RTN4RL1: variants seen among roughly 807,000 people sequenced by gnomAD.
RTN4RL1 encodes reticulon-4 receptor-like 1.
RTN4RL1 carries 7 observed loss-of-function variants against 25.6 expected under a neutral mutation model. That is an observed-to-expected ratio of 0.27 (90% CI 0.16 to 0.51). The LOEUF (loss-of-function observed/expected upper bound fraction) is 0.51, where lower values mean the gene tolerates loss of function less well. RTN4RL1 is among the 20% of genes least tolerant of loss of function. RTN4RL1 has a pLI of 0.97. For synonymous variants in RTN4RL1, 297 were observed against 288.2 expected, an observed-to-expected ratio of 1.03 and a Z score of -0.31; for missense variants, 500 against 615.6, an observed-to-expected ratio of 0.81 and a Z score of 1.99.
intron 1 of RTN4RL1, among the ~76,000 whole-genome samples, chr17:2,008,963 T>G (rs2067022778): frequency 6.6e-6 from 1 of 152,142 alleles, no homozygotes; most frequent in Non-Finnish European, 1.5e-5. Context: ...AGACTGAGCC[T>G]CAGCCCAGGG....
At chr17:1,950,580 C>T (rs968783249) in intron 1 of RTN4RL1, among the ~76,000 whole-genome samples, 2 of 152,120 alleles carry the variant, frequency 1.3e-5, no homozygotes, top group African/African-American at 4.8e-5. Flanking sequence ...GGGGCAGCAG[C>T]TCACGCCTGG....
At chr17:2,022,463 T>C (rs959835545) in intron 1 of RTN4RL1, among the ~76,000 whole-genome samples, 1 of 152,154 alleles carries the variant, frequency 6.6e-6, no homozygotes, top group Non-Finnish European at 1.5e-5. Context: ...CCTGTATCAT[T>C]TTCGCTTGGA....
intron 1 of RTN4RL1, among the ~76,000 whole-genome samples, chr17:1,986,683 C>T (rs1457465933): frequency 6.6e-6 from 1 of 151,882 alleles, no homozygotes; most frequent in Non-Finnish European, 1.5e-5. Context: ...AGATTTCTGG[C>T]CTCCAGAACT....
At chr17:2,014,015 A>T (rs903157472) in intron 1 of RTN4RL1, among the ~76,000 whole-genome samples, 1 of 152,000 alleles carries the variant, frequency 6.6e-6, no homozygotes, top group Non-Finnish European at 1.5e-5. Flanking sequence ...TCAACCTCTC[A>T]CTCAGTTCCT....
intron 1 of RTN4RL1, among the ~76,000 whole-genome samples, chr17:2,002,224 C>T (rs2066962650): frequency 6.6e-6 from 1 of 151,558 alleles, no homozygotes; most frequent in African/African-American, 2.4e-5. Flanking sequence ...CTTTCTTTCC[C>T]TTTCTTCCTT....
At chr17:2,023,325 G>C (rs2067233439) in intron 1 of RTN4RL1, among the ~76,000 whole-genome samples, 1 of 152,188 alleles carries the variant, frequency 6.6e-6, no homozygotes, top group South Asian at 2.1e-4. Context: ...AGGACTTTTT[G>C]TCCCTTTCTG....
rs1423575199 is a variant in RTN4RL1 at position 2,024,976 on chromosome 17, G to A, written c.-111C>T. ...GCTAATCCGAGCGCGTCGAGGCGGGGGCAAGCCGGGGATCCGCTCGTGCCC... is the reference window on the plus strand; with the variant it reads ...GCTAATCCGAGCGCGTCGAGGCGGGAGCAAGCCGGGGATCCGCTCGTGCCC... On this transcript the variant is annotated 5_prime_UTR_variant, in exon 1 of 2. Transcript: ENST00000331238. 5.1e-5 allele frequency: 61 copies of A among 1,199,728 alleles called. No individual in the cohort carries two copies. The highest frequency in any genetic ancestry group is 6.7e-5 in the Non-Finnish European group (57 of 854,120). The allele number at this position is 1,199,728 out of a possible 1,614,324, so 74.3% of individuals were successfully genotyped here.
rs1915788153 is a variant in RTN4RL1, at chr17:1,956,149, G to T, written c.14-18341C>A. Among the ~76,000 whole-genome samples the T allele has an allele frequency of 3.3e-5, 5 of 152,038 alleles. No homozygotes were observed. The South Asian group carries it at 6.2e-4, about 19-fold the overall frequency. On this transcript the variant is annotated intron_variant, in intron 1 of 1. Transcript: ENST00000331238. ...CCATTCATTCAGCAGCTCTCAGGGG[G>T]TCTCTATCTTTGAGGCTGTGTACTA...
chr17:1,996,733 A>G (rs2151320759), intron 1 of RTN4RL1, among the ~76,000 whole-genome samples: 1 of 152,346 alleles, frequency 6.6e-6, no homozygotes, highest in Non-Finnish European at 1.5e-5. Context: ...TGGCGGAGAT[A>G]TCAGATCTGA....
At position 1,936,144 on chromosome 17, in the gene RTN4RL1, T is replaced by C; in HGVS notation, c.*352A>G. On this transcript the variant is annotated 3_prime_UTR_variant, in exon 2 of 2. Coordinates refer to ENST00000331238, the MANE Select transcript of RTN4RL1 (RefSeq NM_178568.4). ...GGGCCCTCCAGACCTCTCGGAACGA[T>C]CGGGATTCCACAGAGCCCCGGTGCC... 9.2e-7 allele frequency: 1 copy of C among 1,084,752 alleles called. No homozygotes were observed. Among genetic ancestry groups the C allele is most frequent in the Non-Finnish European group, 1.1e-6 (1 of 892,764 alleles). The allele number at this position is 1,084,752 out of a possible 1,614,324, so 67.2% of individuals were successfully genotyped here.
intron 1 of RTN4RL1, among the ~76,000 whole-genome samples, chr17:1,959,933 C>T (rs966954484): frequency 1.3e-4 from 20 of 152,298 alleles, no homozygotes; most frequent in African/African-American, 4.8e-4. Context: ...AAACTGCAGA[C>T]CAGTCCACCC....
At position 1,949,145 on chromosome 17, in the gene RTN4RL1, T is replaced by C. The variant is rs568757820; in HGVS notation, c.14-11337A>G. 5.9e-5 allele frequency among the ~76,000 whole-genome samples: 9 copies of C among 152,162 alleles called. No homozygotes were observed. The East Asian group carries it at 1.5e-3, about 26-fold the overall frequency. The stretch of plus-strand genomic sequence containing the variant: ...CTAATTTTTTTTTTTGTATTTTTAG[T>C]AGAGACGGGGTTTTCTTGTGTTAGC... On this transcript the variant is annotated intron_variant, in intron 1 of 1. Coordinates refer to ENST00000331238, the MANE Select transcript of RTN4RL1 (RefSeq NM_178568.4).
intron 1 of RTN4RL1, among the ~76,000 whole-genome samples, chr17:2,020,923 C>T (rs535896463): frequency 4.3e-4 from 65 of 152,352 alleles, no homozygotes; most frequent in African/African-American, 1.3e-3. Flanking sequence ...CCCAGCGGGC[C>T]GCCCTTCCTT....
chr17:2,002,285 T>A (rs1476816349), intron 1 of RTN4RL1, among the ~76,000 whole-genome samples: 1 of 150,770 alleles, frequency 6.6e-6, no homozygotes, highest in Non-Finnish European at 1.5e-5. Context: ...CTCTTTTTTT[T>A]AATTTTTAAT....
intron 1 of RTN4RL1, among the ~76,000 whole-genome samples, chr17:1,981,330 G>A (rs554571862): frequency 3.5e-4 from 53 of 152,308 alleles, no homozygotes; most frequent in Non-Finnish European, 6.3e-4. Context: ...GCAGTGAGCC[G>A]TGATCGTGCT....
intron 1 of RTN4RL1, among the ~76,000 whole-genome samples, chr17:1,952,418 C>T (rs887413722): frequency 8.1e-5 from 12 of 148,256 alleles, no homozygotes; most frequent in African/African-American, 2.8e-4. Context: ...CTCATTGCAA[C>T]CTCTGCCTCC....
intron 1 of RTN4RL1, among the ~76,000 whole-genome samples, chr17:2,013,328 G>A (rs1024942133): frequency 2.0e-5 from 3 of 152,172 alleles, no homozygotes; most frequent in South Asian, 2.1e-4. Flanking sequence ...TAGTGGCAGG[G>A]GCTGTGTAGC....
intron 1 of RTN4RL1, among the ~76,000 whole-genome samples, chr17:1,951,177 A>G (rs1265297641): frequency 6.6e-6 from 1 of 151,924 alleles, no homozygotes; most frequent in Non-Finnish European, 1.5e-5. Context: ...AGGCAGGAGA[A>G]TGGCATGAAC....
intron 1 of RTN4RL1, among the ~76,000 whole-genome samples, chr17:1,977,871 G>A (rs996642564): frequency 2.0e-5 from 3 of 151,828 alleles, no homozygotes; most frequent in African/African-American, 7.3e-5. Context: ...CGGGGTCGGG[G>A]GCGCATCCTG....
Sources: gnomAD v4.1 joint callset for allele counts (sites outside exome capture counted in the v4.1 genomes callset) on GRCh38, gnomAD v4.1.1 for gene constraint, MANE v1.5 for transcripts, NCBI Gene and HGNC (gene_info 2026-07-23, HGNC 2026-07-21) for gene names.